Variants in SYN2 observed in about 807,000 individuals in gnomAD.
SYN2 encodes synapsin II.
Under a neutral mutation model 50.9 loss-of-function variants are expected in SYN2, and 19 were observed. The observed-to-expected ratio is 0.37, with a 90% CI of 0.26 to 0.55. The LOEUF (loss-of-function observed/expected upper bound fraction) is 0.55, where lower values mean the gene tolerates loss of function less well. Among genes scored for constraint, SYN2 ranks in the 20% least tolerant of loss-of-function variants. The pLI is 0.81. For missense variants in SYN2, 587 were observed against 576.4 expected, an observed-to-expected ratio of 1.02 and a Z score of -0.19; for synonymous variants, 255 against 224.9, an observed-to-expected ratio of 1.13 and a Z score of -1.20.
intron 1 of SYN2, among the ~76,000 whole-genome samples, chr3:12,090,814 GT>G (rs1330903945): frequency 6.6e-6 from 1 of 152,088 alleles, no homozygotes; most frequent in Non-Finnish European, 1.5e-5. Context: ...TTCCTCCACA[GT>G]TACCCCAAAT....
Position 12,158,748 on chromosome 3 carries a change from G to A in SYN2, c.775-2798G>A, listed in dbSNP as rs750590094. 4 of 1,608,514 alleles carry A rather than the reference G, an allele frequency of 2.5e-6. No homozygotes were observed. The Admixed American group carries it at 6.7e-5, about 27-fold the overall frequency. ...GCTGCTGAGGGTGCGCCGGGGCGCAGCTGCATGCCTCACCCAGCCCCGGGG... is the reference window on the plus strand; with the variant it reads ...GCTGCTGAGGGTGCGCCGGGGCGCAACTGCATGCCTCACCCAGCCCCGGGG... On this transcript the variant is annotated intron_variant, in intron 5 of 12. Coordinates refer to ENST00000621198, the MANE Select transcript of SYN2 (RefSeq NM_133625.6).
At chr3:12,156,760 A>G in intron 5 of SYN2, 2 of 1,411,630 alleles carry the variant, frequency 1.4e-6, no homozygotes, top group Non-Finnish European at 2.0e-6. Context: ...CTCCTTTCTC[A>G]CTACCTCCCC....
intron 9 of SYN2, 122 bp downstream of exon 9, chr3:12,168,600 A>G (rs1697863090): frequency 1.2e-6 from 1 of 837,580 alleles, no homozygotes; most frequent in Non-Finnish European, 1.9e-6. Context: ...ATCAGTGGGT[A>G]GCTATTGTTT....
chr3:12,080,463 C>G, intron 1 of SYN2, among the ~76,000 whole-genome samples: 1 of 151,500 alleles, frequency 6.6e-6, no homozygotes, highest in Non-Finnish European at 1.5e-5. Context: ...GCCTTTTAAC[C>G]CTGTTTTAAC....
rs1469010846 is a variant in SYN2, at chr3:12,183,341, C to G, written c.1338C>G (p.Ser446Arg). 5.0e-6 allele frequency: 8 copies of G among 1,613,746 alleles called. No homozygotes were observed. The highest frequency in any genetic ancestry group is 1.1e-5 in the South Asian group (1 of 91,002). Residue 446 changes from serine to arginine, a missense_variant, in exon 11 of 13, where the codon AGC (serine) becomes AGG (arginine). Coordinates refer to ENST00000621198, the MANE Select transcript of SYN2 (RefSeq NM_133625.6). ...GAACACTTAAGGATCCGGACTCAAG[C>G]AAGACCCCACCTCAGCGGCCACCCC... ...QSGTLKDPDS[S>R]KTPPQRPPPQ...
intron 11 of SYN2, 131 bp downstream of exon 11, chr3:12,183,503 G>C (rs760452625): frequency 5.7e-6 from 9 of 1,586,980 alleles, no homozygotes; most frequent in African/African-American, 1.4e-5. Flanking sequence ...AAAGGAAAGC[G>C]GGGAGGGGAA....
intron 1 of SYN2, chr3:12,071,437 A>G (rs1485081287): frequency 7.7e-6 from 4 of 517,308 alleles, no homozygotes; most frequent in Non-Finnish European, 1.6e-5. Flanking sequence ...TGGCAAATGC[A>G]TACACTTCAT....
intron 5 of SYN2, chr3:12,153,687 C>G: frequency 6.2e-7 from 1 of 1,614,230 alleles, no homozygotes; most frequent in Non-Finnish European, 8.5e-7. Context: ...CGAGATGGTA[C>G]AGGGTACTGT....
chr3:12,187,566 C>T lies in SYN2; in HGVS notation c.1567C>T (p.Pro523Ser), dbSNP rs1489792733. Residue 523 changes from proline to serine, a missense_variant, in exon 12 of 13, where the codon CCC becomes TCC. Transcript: ENST00000621198. ...CAGCTCCCTGGCAGAGGCCCAGCCA[C>T]CCCTGGCTGCTCCACCACAGAAGCC... Reference protein sequence around the residue: ...SSSSLAEAQPPLAAPPQKPQP... With the variant: ...SSSSLAEAQPSLAAPPQKPQP... 4.5e-6 allele frequency: 7 copies of T among 1,551,942 alleles called. No individual in the cohort carries two copies. The highest frequency in any genetic ancestry group is 2.4e-5 in the East Asian group (1 of 40,974).
At chr3:12,083,884 C>T (rs2125176334) in intron 1 of SYN2, among the ~76,000 whole-genome samples, 1 of 152,164 alleles carries the variant, frequency 6.6e-6, no homozygotes, top group East Asian at 1.9e-4. Flanking sequence ...AGCACTCTAC[C>T]AAGTAAGAAA....
chr3:12,181,668 A>T (rs1698224051), intron 10 of SYN2, among the ~76,000 whole-genome samples: 1 of 152,226 alleles, frequency 6.6e-6, no homozygotes, highest in South Asian at 2.1e-4. Flanking sequence ...ACACAACTAG[A>T]AAAAAGGTTT....
chr3:12,021,886 G>A (rs936846824), intron 1 of SYN2, among the ~76,000 whole-genome samples: 1 of 152,170 alleles, frequency 6.6e-6, no homozygotes, highest in East Asian at 1.9e-4. Flanking sequence ...CCAGCGTAAC[G>A]AAACCCCGTC....
At chr3:12,054,613 C>G (rs1451061019) in intron 1 of SYN2, among the ~76,000 whole-genome samples, 1 of 151,654 alleles carries the variant, frequency 6.6e-6, no homozygotes, top group African/African-American at 2.4e-5. Flanking sequence ...TTGTAACCCT[C>G]TATCCTATTT....
chr3:12,154,395 A>C (rs780929227), intron 5 of SYN2: 2 of 1,614,214 alleles, frequency 1.2e-6, no homozygotes, highest in Admixed American at 3.3e-5. Flanking sequence ...AGGTCCTCCC[A>C]GGGCTCGATG....
At chr3:12,023,170 A>G (rs774174123) in intron 1 of SYN2, among the ~76,000 whole-genome samples, 1 of 152,156 alleles carries the variant, frequency 6.6e-6, no homozygotes, top group African/African-American at 2.4e-5. Flanking sequence ...GGGTTATGAA[A>G]GTGCTCTGTA....
chr3:12,142,775 G>C (rs1197923670), intron 3 of SYN2, among the ~76,000 whole-genome samples: 1 of 152,160 alleles, frequency 6.6e-6, no homozygotes, highest in Non-Finnish European at 1.5e-5. Context: ...TCAGACATCA[G>C]TCTTGTTCCA....
chr3:12,059,638 A>G (rs914545227), intron 1 of SYN2, among the ~76,000 whole-genome samples: 1 of 152,142 alleles, frequency 6.6e-6, no homozygotes, highest in Admixed American at 6.5e-5. Context: ...TAGCTTCTAC[A>G]GGGGAATCAA....
chr3:12,038,010 ATTTTCTTCTAATAGTTTTATAGTT>A (rs1442844095), intron 1 of SYN2, among the ~76,000 whole-genome samples: 6 of 152,002 alleles, frequency 3.9e-5, no homozygotes, highest in Non-Finnish European at 8.8e-5. Context: ...TTACACCTAT[ATTTTCTTCTAATAGTTTTATAGTT>A]TTATCTCTTA....
At chr3:12,180,292 C>T (rs1698193389) in intron 10 of SYN2, among the ~76,000 whole-genome samples, 2 of 152,018 alleles carry the variant, frequency 1.3e-5, no homozygotes, top group South Asian at 2.1e-4. Flanking sequence ...ATTCCCCTTC[C>T]GTTTTGTGTA....
Sources: gnomAD v4.1 joint callset for allele counts (sites outside exome capture counted in the v4.1 genomes callset) on GRCh38, gnomAD v4.1.1 for gene constraint, MANE v1.5 for transcripts, NCBI Gene and HGNC (gene_info 2026-07-23, HGNC 2026-07-21) for gene names.